Variants in PPFIA1 observed in about 807,000 individuals in gnomAD.
The protein encoded by PPFIA1 is PPFI scaffold protein A1.
In PPFIA1, 25 loss-of-function variants were observed where a neutral mutation model predicts 149.9. That is an observed-to-expected ratio of 0.17 (90% CI 0.12 to 0.23). The LOEUF (loss-of-function observed/expected upper bound fraction) is 0.23. Ranked by LOEUF, PPFIA1 falls within the 10% of genes least tolerant of loss-of-function variation. The pLI, the probability that PPFIA1 is intolerant of heterozygous loss-of-function variation, is 1.00. For synonymous variants in PPFIA1, 549 were observed against 552.8 expected (o/e 0.99, Z 0.10); for missense variants, 1,362 against 1,506.5 (o/e 0.90, Z 1.59).
Position 70,339,185 on chromosome 11 carries a change from G to T in PPFIA1, c.1586G>T (p.Gly529Val), listed in dbSNP as rs750991790. ...TCATGTTTCAGCCGACCCCACTTGG[G>T]CAGTGTCCCAGATTTCAGGTTCCCC... is the stretch of plus-strand genomic sequence containing the variant. ...ASLHHGRPHL[G>V]SVPDFRFPMA... The change falls in exon 14 of 28, where the codon GGC becomes GTC. Residue 529 changes from glycine (G) to valine (V), a missense_variant. Around this residue, in one of 7 missense-constraint regions of PPFIA1, gnomAD observed 733 missense variants for 744.1 expected, o/e 0.99. Coordinates refer to ENST00000253925, the MANE Select transcript of PPFIA1 (RefSeq NM_003626.5). 8 of 1,613,932 alleles carry T rather than the reference G, an allele frequency of 5.0e-6. No individual in the cohort carries two copies. The highest frequency in any genetic ancestry group is 6.8e-6 in the Non-Finnish European group (8 of 1,180,002).
At chr11:70,303,883 G>A (rs1026503075) in intron 2 of PPFIA1, among the ~76,000 whole-genome samples, 1 of 152,176 alleles carries the variant, frequency 6.6e-6, no homozygotes, top group East Asian at 1.9e-4. Flanking sequence ...GTGTGTGCCT[G>A]TAATCCCAGC....
intron 24 of PPFIA1, chr11:70,375,596 T>A (rs2057458587): frequency 6.6e-6 from 1 of 152,088 alleles, no homozygotes; most frequent in Non-Finnish European, 1.5e-5. Flanking sequence ...GAGACCAGCC[T>A]GGCCATCATG....
At chr11:70,317,421 T>C (rs1315666269) in intron 2 of PPFIA1, among the ~76,000 whole-genome samples, 1 of 152,226 alleles carries the variant, frequency 6.6e-6, no homozygotes, top group African/African-American at 2.4e-5. Context: ...AAGGTTTTTT[T>C]CTTTAAGTGG....
In PPFIA1 at chr11:70,338,457, T is replaced by C. The variant is rs1204001133; in HGVS notation, c.1571+4T>C. 2 of 1,604,332 alleles carry C rather than the reference T, an allele frequency of 1.2e-6. No homozygotes were observed. The highest frequency in any genetic ancestry group is 2.2e-5 in the East Asian group (1 of 44,856). On this transcript the variant is annotated splice_donor_region_variant and intron_variant, in intron 13 of 27. Coordinates refer to ENST00000253925, the MANE Select transcript of PPFIA1 (RefSeq NM_003626.5). ...GAGGTGCTTCACTTCATCATGGGTA[T>C]GGTATTAACCAGTGAGCAGCCATAT...
At chr11:70,300,433 G>C (rs1442611773) in intron 2 of PPFIA1, among the ~76,000 whole-genome samples, 2 of 151,916 alleles carry the variant, frequency 1.3e-5, no homozygotes, top group African/African-American at 4.8e-5. Flanking sequence ...ACAGTGGCCC[G>C]ATCTGGGCTC....
intron 1 of PPFIA1, chr11:70,271,367 G>A (rs66803755): frequency 0.19 from 29,007 of 152,432 alleles, 3,683 homozygotes; most frequent in African/African-American, 0.35. Flanking sequence ...CGCGCCCCCA[G>A]TACTGCCCGA....
At chr11:70,293,653 C>T (rs1413698278) in intron 2 of PPFIA1, among the ~76,000 whole-genome samples, 1 of 152,186 alleles carries the variant, frequency 6.6e-6, no homozygotes, top group African/African-American at 2.4e-5. Context: ...CCTTGTGTTA[C>T]TTCTCCACAT....
chr11:70,353,554 A>G (rs1344044410), intron 16 of PPFIA1, among the ~76,000 whole-genome samples: 4 of 152,236 alleles, frequency 2.6e-5, no homozygotes, highest in South Asian at 2.1e-4. Flanking sequence ...GTTAACCACC[A>G]TCCTGCTCCC....
chr11:70,286,959 A>G (rs577945563), intron 2 of PPFIA1, among the ~76,000 whole-genome samples: 1 of 142,646 alleles, frequency 7.0e-6, no homozygotes, highest in Non-Finnish European at 1.5e-5. Flanking sequence ...TATACTATAT[A>G]TATACATATA....
intron 2 of PPFIA1, among the ~76,000 whole-genome samples, chr11:70,305,034 T>G (rs1362517181): frequency 6.6e-6 from 1 of 152,120 alleles, no homozygotes; most frequent in Non-Finnish European, 1.5e-5. Context: ...TCACCAGGCA[T>G]GACCACCGTG....
In PPFIA1 at chr11:70,359,954, C is replaced by A. The variant is rs141806442; in HGVS notation, c.2583-2141C>A. Among the ~76,000 whole-genome samples, 41 of 152,350 alleles carry A rather than the reference C, an allele frequency of 2.7e-4. No individual in the cohort carries two copies. In the East Asian group the frequency reaches 7.5e-3, roughly 28 times the overall value. Reference sequence around the variant, plus strand: ...GCCTTCTTCCCGTGATTGGAACAGTCCCCCCAGAGAAAACAGGGGCTCTGG... The same window carrying A: ...GCCTTCTTCCCGTGATTGGAACAGTACCCCCAGAGAAAACAGGGGCTCTGG... On this transcript the variant is annotated intron_variant, in intron 19 of 27. Transcript: ENST00000253925.
At chr11:70,295,661 A>C (rs2136267886) in intron 2 of PPFIA1, among the ~76,000 whole-genome samples, 1 of 127,734 alleles carries the variant, frequency 7.8e-6, no homozygotes, top group African/African-American at 3.1e-5. Flanking sequence ...CACCTCCCGG[A>C]CGGGGCGGCT....
intron 2 of PPFIA1, among the ~76,000 whole-genome samples, chr11:70,277,619 T>C (rs2050491173): frequency 6.6e-6 from 1 of 152,084 alleles, no homozygotes; most frequent in South Asian, 2.1e-4. Flanking sequence ...GCCTTCTGAG[T>C]AGCTGGGACT....
At chr11:70,272,895 A>G (rs2135976866) in intron 2 of PPFIA1, among the ~76,000 whole-genome samples, 1 of 152,380 alleles carries the variant, frequency 6.6e-6, no homozygotes, top group African/African-American at 2.4e-5. Flanking sequence ...CCTTTATCAG[A>G]ACATCTAGGT....
intron 22 of PPFIA1, 26 bp from the exon 23 acceptor site, chr11:70,372,451 A>T: frequency 6.2e-7 from 1 of 1,612,876 alleles, no homozygotes; most frequent in East Asian, 2.2e-5. Flanking sequence ...ACCATCTCTA[A>T]ATCATCTCTC....
intron 15 of PPFIA1, among the ~76,000 whole-genome samples, chr11:70,346,355 C>G (rs2055707070): frequency 6.6e-6 from 1 of 151,888 alleles, no homozygotes; most frequent in South Asian, 2.1e-4. Flanking sequence ...AGGTGCCAGT[C>G]CTGGTCAGAG....
chr11:70,288,746 T>G (rs1407362629), intron 2 of PPFIA1, among the ~76,000 whole-genome samples: 1 of 152,178 alleles, frequency 6.6e-6, no homozygotes, highest in African/African-American at 2.4e-5. Context: ...ATTGTCCCTT[T>G]CAGATTGGCT....
chr11:70,341,531 T>C lies in PPFIA1; in HGVS notation c.1708-2138T>C, dbSNP rs377017526. Reference sequence around the variant, plus strand: ...AATTGAGCCAGGGCCATGTTCAGGTTGATGGGACTGTCAGCTGTCCAGGGG... The same window carrying C: ...AATTGAGCCAGGGCCATGTTCAGGTCGATGGGACTGTCAGCTGTCCAGGGG... On this transcript the variant is annotated intron_variant, in intron 14 of 27. Transcript: ENST00000253925. Among the ~76,000 whole-genome samples the C allele has an allele frequency of 2.6e-5, 4 of 152,226 alleles. No homozygotes were observed. In the South Asian group the frequency reaches 6.2e-4, roughly 24 times the overall value.
rs536955789 is a variant in PPFIA1 at position 70,361,860 on chromosome 11, A to T, written c.2583-235A>T. Among the ~76,000 whole-genome samples, 34 of 151,572 alleles carry T rather than the reference A, an allele frequency of 2.2e-4. 1 individual carries two copies. Among genetic ancestry groups the T allele is most frequent in the Non-Finnish European group, 4.3e-4 (29 of 67,918 alleles). On this transcript the variant is annotated intron_variant, in intron 19 of 27. Coordinates refer to ENST00000253925, the MANE Select transcript of PPFIA1 (RefSeq NM_003626.5). ...GGCTGCTCTTGAACTACTGGCCTCA[A>T]GCAGTCTTCCTGCCTCAGTCTCCCG... is the stretch of plus-strand genomic sequence containing the variant.
Sources: allele counts gnomAD v4.1 joint callset (sites outside exome capture counted in the v4.1 genomes callset), GRCh38; gene constraint gnomAD v4.1.1; regional missense constraint gnomAD v4.1.1; transcripts MANE v1.5; gene names NCBI Gene and HGNC (gene_info 2026-07-23, HGNC 2026-07-21).